GPC5: variants seen among roughly 807,000 people sequenced by gnomAD.
The protein encoded by GPC5 is glypican-5.
Under a neutral mutation model 53.9 loss-of-function variants are expected in GPC5, and 47 were observed. That is an observed-to-expected ratio of 0.87 (90% CI 0.69 to 1.11). The LOEUF is 1.11. GPC5 is among the 50% of genes most tolerant of loss of function. GPC5 has a pLI of 0.00. For synonymous variants in GPC5, 286 were observed against 263.3 expected (o/e 1.09, Z -0.84); for missense variants, 748 against 713.1 (o/e 1.05, Z -0.56).
At chr13:92,856,379 T>C (rs1324686700) in intron 7 of GPC5, among the ~76,000 whole-genome samples, 1 of 151,908 alleles carries the variant, frequency 6.6e-6, no homozygotes, top group Non-Finnish European at 1.5e-5. Flanking sequence ...AACACACAAG[T>C]AACATCCCAC....
At chr13:92,116,449 G>A (rs757064431) in intron 6 of GPC5, among the ~76,000 whole-genome samples, 15 of 152,254 alleles carry the variant, frequency 9.9e-5, no homozygotes, top group Non-Finnish European at 1.8e-4. Context: ...AAGCCTCCCG[G>A]TTTGTGATTC....
intron 2 of GPC5, among the ~76,000 whole-genome samples, chr13:91,481,438 T>G: frequency 6.6e-6 from 1 of 152,206 alleles, no homozygotes; most frequent in East Asian, 1.9e-4. Context: ...GTATCATCCC[T>G]ATGACCTGCT....
intron 2 of GPC5, among the ~76,000 whole-genome samples, chr13:91,589,993 T>G (rs1364458556): frequency 6.6e-6 from 1 of 152,058 alleles, no homozygotes. Flanking sequence ...ATTTAAAACT[T>G]TCTTTAAAAA....
chr13:92,726,751 T>C (rs1326272304), intron 7 of GPC5, among the ~76,000 whole-genome samples: 1 of 151,506 alleles, frequency 6.6e-6, no homozygotes, highest in African/African-American at 2.4e-5. Context: ...AGTTAAGCTA[T>C]AAACTACATA....
At chr13:92,221,819 G>T (rs17426071) in intron 7 of GPC5, among the ~76,000 whole-genome samples, 23,193 of 151,876 alleles carry the variant, frequency 0.15, 2,252 homozygotes, top group Admixed American at 0.21. Context: ...TACGACTCAA[G>T]AACAATTACG....
At chr13:92,304,934 T>G (rs1028457778) in intron 7 of GPC5, among the ~76,000 whole-genome samples, 19 of 152,192 alleles carry the variant, frequency 1.2e-4, no homozygotes, top group Admixed American at 6.5e-5. Context: ...CTAAAAGTGA[T>G]GTGAAGTGTA....
At chr13:92,566,933 A>G (rs1042048901) in intron 7 of GPC5, among the ~76,000 whole-genome samples, 2 of 152,138 alleles carry the variant, frequency 1.3e-5, no homozygotes, top group Non-Finnish European at 2.9e-5. Context: ...CTAGAGGATG[A>G]TTATAATAAA....
chr13:91,923,729 A>G (rs2039739947), intron 6 of GPC5, among the ~76,000 whole-genome samples: 1 of 152,166 alleles, frequency 6.6e-6, no homozygotes, highest in Non-Finnish European at 1.5e-5. Context: ...ACTAGTTCTG[A>G]AAAAGATCAT....
intron 2 of GPC5, among the ~76,000 whole-genome samples, chr13:91,572,654 C>G (rs1400620459): frequency 6.6e-6 from 1 of 152,032 alleles, no homozygotes; most frequent in Non-Finnish European, 1.5e-5. Context: ...CCAAGCTATT[C>G]ACGAGGGATC....
rs75674117 is a variant in GPC5, at chr13:92,345,858, T to C, written c.1561+200869T>C. 3.0e-3 allele frequency among the ~76,000 whole-genome samples: 458 copies of C among 152,072 alleles called. 2 individuals carry two copies. Among genetic ancestry groups the C allele is most frequent in the African/African-American group, 0.01 (429 of 41,476 alleles). ...TGAGGTCAGATAGAAACAAAGGAGG[T>C]AGAGCTCTTAGTGACCAGCCTACAG... On this transcript the variant is annotated intron_variant, in intron 7 of 7. Transcript: ENST00000377067.
intron 7 of GPC5, among the ~76,000 whole-genome samples, chr13:92,478,751 C>G (rs1046119386): frequency 6.6e-6 from 1 of 152,174 alleles, no homozygotes; most frequent in African/African-American, 2.4e-5. Context: ...AAGAGTCCCA[C>G]CGCAGGGCTT....
intron 7 of GPC5, among the ~76,000 whole-genome samples, chr13:92,387,291 A>T (rs1874777575): frequency 6.6e-6 from 1 of 152,102 alleles, no homozygotes; most frequent in South Asian, 2.1e-4. Flanking sequence ...CCCCAACTGT[A>T]GGGTAATGTA....
chr13:91,655,748 G>T (rs1031006544), intron 2 of GPC5, among the ~76,000 whole-genome samples: 11 of 152,112 alleles, frequency 7.2e-5, no homozygotes, highest in Middle Eastern at 3.4e-3. Context: ...TTGACTTTGG[G>T]GGAAAAAATT....
chr13:92,068,207 A>T (rs755189543), intron 6 of GPC5, among the ~76,000 whole-genome samples: 1 of 151,928 alleles, frequency 6.6e-6, no homozygotes, highest in Non-Finnish European at 1.5e-5. Context: ...AACTGACTTG[A>T]AGAATTGTTC....
chr13:92,232,370 G>A (rs929104422), intron 7 of GPC5, among the ~76,000 whole-genome samples: 2 of 152,078 alleles, frequency 1.3e-5, no homozygotes, highest in Non-Finnish European at 2.9e-5. Flanking sequence ...TTACAAACAG[G>A]CCACCAGGAA....
chr13:92,047,936 A>G (rs1045293963), intron 6 of GPC5, among the ~76,000 whole-genome samples: 1 of 151,986 alleles, frequency 6.6e-6, no homozygotes, highest in Non-Finnish European at 1.5e-5. Flanking sequence ...GGTTGGAGTG[A>G]GCCGAGATCA....
chr13:91,851,341 A>T (rs1349976718), intron 5 of GPC5, among the ~76,000 whole-genome samples: 1 of 152,108 alleles, frequency 6.6e-6, no homozygotes, highest in African/African-American at 2.4e-5. Context: ...ACACTCATAT[A>T]GGGAACTCCA....
intron 4 of GPC5, among the ~76,000 whole-genome samples, chr13:91,744,983 A>G (rs2037016525): frequency 1.3e-5 from 2 of 152,106 alleles, no homozygotes; most frequent in African/African-American, 4.8e-5. Context: ...AGAGGTAGAC[A>G]CTGTATCACA....
In GPC5 at chr13:92,585,022, A is replaced by AG. The variant is rs549655469; in HGVS notation, c.1562-281253dup. On this transcript the variant is annotated intron_variant, in intron 7 of 7. Coordinates refer to ENST00000377067, the MANE Select transcript of GPC5 (RefSeq NM_004466.6). ...CAAAAGTTTGCTGGTGGAGGGGGTAAGGGGGGGCTCATGGAGAACTTCCGC... is the reference window on the plus strand; with the variant it reads ...CAAAAGTTTGCTGGTGGAGGGGGTAAGGGGGGGGCTCATGGAGAACTTCCGC... Among the ~76,000 whole-genome samples the AG allele has an allele frequency of 9.0e-4, 137 of 152,060 alleles. No homozygotes were observed. In the South Asian group the frequency reaches 0.023, roughly 26 times the overall value.
Sources: gnomAD v4.1 joint callset for allele counts (sites outside exome capture counted in the v4.1 genomes callset) on GRCh38, gnomAD v4.1.1 for gene constraint, MANE v1.5 for transcripts, NCBI Gene and HGNC (gene_info 2026-07-23, HGNC 2026-07-21) for gene names.